Variants in RBBP8 observed in about 807,000 individuals in gnomAD.
The protein encoded by RBBP8 is DNA endonuclease RBBP8.
A neutral mutation model predicts 108.3 loss-of-function variants in RBBP8; 88 were observed. That is an observed-to-expected ratio of 0.81 (90% CI 0.68 to 0.97). The LOEUF (loss-of-function observed/expected upper bound fraction) is 0.97, where lower values mean the gene tolerates loss of function less well. Among genes scored for constraint, RBBP8 ranks in the 50% least tolerant of loss-of-function variants. The pLI is 0.00. For synonymous variants in RBBP8, 332 were observed against 348.2 expected (o/e 0.95, Z 0.52); for missense variants, 1,023 against 1,049.0 (o/e 0.98, Z 0.34).
At chr18:22,943,687 CTGTT>C (rs1393215883) in intron 2 of RBBP8, among the ~76,000 whole-genome samples, 1 of 152,066 alleles carries the variant, frequency 6.6e-6, no homozygotes, top group Admixed American at 6.6e-5. Context: ...AAAGCCCCCA[CTGTT>C]TGTCAAGAAA....
intron 8 of RBBP8, 90 bp downstream of exon 8, chr18:22,985,080 TA>T: frequency 6.5e-7 from 1 of 1,542,950 alleles, no homozygotes; most frequent in South Asian, 1.2e-5. Context: ...GACAATATTT[TA>T]AAGGTATTTT....
rs139706715 is a variant in RBBP8, at chr18:22,949,693, C to T, written c.228C>T (p.Thr76=). 9.9e-5 allele frequency: 160 copies of T among 1,612,232 alleles called. 1 individual carries two copies. The African/African-American group carries it at 1.9e-3, about 19-fold the overall frequency. Residue 76 remains threonine (T), a synonymous_variant, in exon 4 of 19, where the codon ACC becomes ACT. Transcript: ENST00000327155. ...AACAGCAGAAAGTCCTTCATGAAAC[C>T]ATTAAAGTTTTAGAAGATCGGTGAG... ...LREQQKVLHE[T]IKVLEDRLRA...
At chr18:22,994,923 G>A (rs998498537) in intron 12 of RBBP8, among the ~76,000 whole-genome samples, 23 of 151,780 alleles carry the variant, frequency 1.5e-4, no homozygotes, top group African/African-American at 5.3e-4. Flanking sequence ...ACTGGGTTTC[G>A]CCTTGTTGCC....
At position 22,997,649 on chromosome 18, in the gene RBBP8, G is replaced by C; in HGVS notation, c.2058G>C (p.Glu686Asp). Residue 686 changes from glutamate to aspartate, a missense_variant, in exon 14 of 19, where the codon GAG becomes GAC. By Grantham distance (45) the Glu-to-Asp change is conservative (BLOSUM62 2). Coordinates refer to ENST00000327155, the MANE Select transcript of RBBP8 (RefSeq NM_002894.3). Reference sequence around the variant, plus strand: ...GCAGTCAGTCAAAATTAGGAGGAGAGACAGTGGACATGGACTGTACATTGG... The same window carrying C: ...GCAGTCAGTCAAAATTAGGAGGAGACACAGTGGACATGGACTGTACATTGG... The part of the protein sequence containing the change: ...KDGSQSKLGG[E>D]TVDMDCTLVS... The C allele has an allele frequency of 6.2e-7, 1 of 1,609,008 alleles. No individual in the cohort carries two copies. The highest frequency in any genetic ancestry group is 8.5e-7 in the Non-Finnish European group (1 of 1,176,814).
chr18:22,942,736 A>G (rs1475933503), intron 2 of RBBP8, among the ~76,000 whole-genome samples: 1 of 152,102 alleles, frequency 6.6e-6, no homozygotes, highest in Non-Finnish European at 1.5e-5. Flanking sequence ...TTTAAAGCAT[A>G]TTTATTTGGG....
intron 4 of RBBP8, among the ~76,000 whole-genome samples, chr18:22,964,069 G>C (rs1296044077): frequency 1.3e-5 from 2 of 152,084 alleles, no homozygotes; most frequent in African/African-American, 4.8e-5. Context: ...TTCTAATGTT[G>C]CTGTTGAAAT....
intron 5 of RBBP8, among the ~76,000 whole-genome samples, chr18:22,972,778 A>G (rs1294130322): frequency 6.6e-6 from 1 of 152,144 alleles, no homozygotes; most frequent in East Asian, 1.9e-4. Context: ...TCATTTCTGT[A>G]TAGTTTTGGG....
chr18:22,940,970 A>G (rs1386301604), intron 2 of RBBP8, among the ~76,000 whole-genome samples: 1 of 151,786 alleles, frequency 6.6e-6, no homozygotes, highest in East Asian at 1.9e-4. Context: ...TTTCAGCAAC[A>G]TTTTCTGATT....
intron 6 of RBBP8, among the ~76,000 whole-genome samples, chr18:22,975,478 A>G (rs566142560): frequency 6.6e-6 from 1 of 152,200 alleles, no homozygotes; most frequent in South Asian, 2.1e-4. Context: ...ATACATTATT[A>G]AAATACTTAT....
At chr18:22,971,260 G>A (rs1045973167) in intron 5 of RBBP8, among the ~76,000 whole-genome samples, 5 of 152,102 alleles carry the variant, frequency 3.3e-5, no homozygotes, top group Non-Finnish European at 1.5e-5. Context: ...AGATGACTAA[G>A]GATTTCTGAG....
At chr18:22,939,954 A>G (rs1023618665) in intron 2 of RBBP8, among the ~76,000 whole-genome samples, 1 of 152,222 alleles carries the variant, frequency 6.6e-6, no homozygotes, top group Non-Finnish European at 1.5e-5. Context: ...AGAATAGCAC[A>G]TGCAAAAGTT....
intron 18 of RBBP8, 40 bp from the exon 19 acceptor site, chr18:23,026,103 T>C: frequency 1.4e-6 from 2 of 1,471,542 alleles, no homozygotes; most frequent in Non-Finnish European, 1.9e-6. Context: ...GAAATGCATG[T>C]TGCACATACA....
At chr18:22,945,644 A>G (rs140655086) in intron 2 of RBBP8, among the ~76,000 whole-genome samples, 93 of 151,992 alleles carry the variant, frequency 6.1e-4, no homozygotes, top group African/African-American at 2.2e-3. Context: ...TTGGCCTCCC[A>G]AGGTGCTGGT....
intron 7 of RBBP8, among the ~76,000 whole-genome samples, chr18:22,984,570 A>T (rs1429658085): frequency 6.6e-6 from 1 of 152,030 alleles, no homozygotes; most frequent in African/African-American, 2.4e-5. Context: ...TTTTAAATTA[A>T]CCTGCTGATT....
chr18:22,922,310 TA>T (rs1253425386), intron 3 of RBBP8, among the ~76,000 whole-genome samples: 1 of 151,020 alleles, frequency 6.6e-6, no homozygotes, highest in South Asian at 2.1e-4. Flanking sequence ...AATGTGAGTT[TA>T]AAAAAAAATA....
chr18:23,006,000 C>A (rs1020628317), intron 15 of RBBP8, among the ~76,000 whole-genome samples: 2 of 151,876 alleles, frequency 1.3e-5, no homozygotes, highest in Non-Finnish European at 2.9e-5. Flanking sequence ...TCCTGGCTAA[C>A]ATGGTGAAAC....
chr18:22,991,638 A>G (rs1915711527), intron 10 of RBBP8, among the ~76,000 whole-genome samples: 1 of 152,194 alleles, frequency 6.6e-6, no homozygotes, highest in Non-Finnish European at 1.5e-5. Context: ...TACAATGCCT[A>G]CATATCAATC....
chr18:23,007,812 T>G (rs1188167086), intron 16 of RBBP8, among the ~76,000 whole-genome samples: 2 of 151,766 alleles, frequency 1.3e-5, no homozygotes, highest in African/African-American at 4.8e-5. Context: ...ATGTTTTGTT[T>G]TTTTGGTTTT....
At chr18:22,923,674 G>A (rs892584917) in intron 3 of RBBP8, among the ~76,000 whole-genome samples, 1 of 152,122 alleles carries the variant, frequency 6.6e-6, no homozygotes, top group Non-Finnish European at 1.5e-5. Flanking sequence ...AGTACAAGAA[G>A]GCTGGGAATA....
Sources: gnomAD v4.1 joint callset for allele counts (sites outside exome capture counted in the v4.1 genomes callset) on GRCh38, gnomAD v4.1.1 for gene constraint, MANE v1.5 for transcripts, NCBI Gene and HGNC (gene_info 2026-07-23, HGNC 2026-07-21) for gene names.